PPM1L: variants seen among roughly 807,000 people sequenced by gnomAD.
PPM1L encodes protein phosphatase, Mg2+/Mn2+ dependent 1L.
A neutral mutation model predicts 31.4 loss-of-function variants in PPM1L; 13 were observed. The ratio of observed to expected loss-of-function variants is 0.41; its 90% confidence interval spans 0.27 to 0.66. The LOEUF (loss-of-function observed/expected upper bound fraction) is 0.66. PPM1L is among the 30% of genes least tolerant of loss of function. PPM1L has a pLI of 0.29. For missense variants in PPM1L, 326 were observed against 453.7 expected (o/e 0.72, Z 2.56); for synonymous variants, 184 against 175.4 (o/e 1.05, Z -0.39).
intron 1 of PPM1L, among the ~76,000 whole-genome samples, chr3:160,857,339 C>G (rs184959656): frequency 1.3e-5 from 2 of 152,256 alleles, no homozygotes; most frequent in Non-Finnish European, 2.9e-5. Context: ...ATTATTCATA[C>G]AAACTACAGG....
At chr3:160,849,419 C>T (rs981646880) in intron 1 of PPM1L, among the ~76,000 whole-genome samples, 66 of 143,430 alleles carry the variant, frequency 4.6e-4, no homozygotes, top group African/African-American at 1.6e-3. Flanking sequence ...TTCTTTCTTT[C>T]TTTTTTTTTT....
chr3:160,913,699 T>C (rs944866412), intron 1 of PPM1L, among the ~76,000 whole-genome samples: 1 of 152,184 alleles, frequency 6.6e-6, no homozygotes, highest in Non-Finnish European at 1.5e-5. Context: ...CATAATGTTT[T>C]TGAGATTCAT....
intron 2 of PPM1L, among the ~76,000 whole-genome samples, chr3:161,003,243 C>G (rs540775074): frequency 6.7e-6 from 1 of 150,010 alleles, no homozygotes; most frequent in African/African-American, 2.5e-5. Flanking sequence ...TTACTGTAGC[C>G]TTGTAGTATA....
At chr3:160,919,149 TG>T (rs1435487516) in intron 1 of PPM1L, among the ~76,000 whole-genome samples, 1 of 152,212 alleles carries the variant, frequency 6.6e-6, no homozygotes, top group Non-Finnish European at 1.5e-5. Context: ...AGAATAAAAT[TG>T]GGGAAGCCCA....
chr3:160,764,615 C>T (rs538086238), intron 1 of PPM1L, among the ~76,000 whole-genome samples: 4 of 151,650 alleles, frequency 2.6e-5, no homozygotes, highest in South Asian at 2.1e-4. Flanking sequence ...TACAGGCACC[C>T]GCCACTATGC....
intron 1 of PPM1L, among the ~76,000 whole-genome samples, chr3:160,775,176 G>A (rs1189276870): frequency 1.3e-5 from 2 of 152,204 alleles, no homozygotes; most frequent in Non-Finnish European, 2.9e-5. Flanking sequence ...ACTACTATGT[G>A]CCCAGGGTTA....
intron 1 of PPM1L, among the ~76,000 whole-genome samples, chr3:160,937,295 C>G (rs1237268925): frequency 6.6e-6 from 1 of 152,054 alleles, no homozygotes; most frequent in African/African-American, 2.4e-5. Context: ...TCTCATTTAT[C>G]ATCCATTTTA....
chr3:161,024,303 T>C (rs1262317363), intron 2 of PPM1L, among the ~76,000 whole-genome samples: 1 of 151,946 alleles, frequency 6.6e-6, no homozygotes, highest in Admixed American at 6.6e-5. Context: ...TAGTCTTTTG[T>C]TTGGCTTTCA....
chr3:160,989,195 A>T (rs1323934020), intron 2 of PPM1L, among the ~76,000 whole-genome samples: 1 of 152,060 alleles, frequency 6.6e-6, no homozygotes, highest in Non-Finnish European at 1.5e-5. Context: ...TTACTTGCTC[A>T]TTTCTCCTCT....
Position 161,010,991 on chromosome 3 carries a change from CT to C in PPM1L, c.574+49085del, listed in dbSNP as rs574617278. On this transcript the variant is annotated intron_variant, in intron 2 of 3. Coordinates refer to ENST00000498165, the MANE Select transcript of PPM1L (RefSeq NM_139245.4). ...TGCCTGTTCACTCTGATGGTAGTTT[CT>C]TTTGCTGTACAGAAGCTCTTTAGTG... Among the ~76,000 whole-genome samples, 124 of 152,282 alleles carry C rather than the reference CT, an allele frequency of 8.1e-4. 1 individual carries two copies. Among genetic ancestry groups the C allele is most frequent in the African/African-American group, 2.8e-3 (116 of 41,560 alleles).
chr3:160,793,008 A>C (rs1712147341), intron 1 of PPM1L, among the ~76,000 whole-genome samples: 1 of 152,164 alleles, frequency 6.6e-6, no homozygotes, highest in African/African-American at 2.4e-5. Context: ...TTTTGAAGGA[A>C]GGTCACAGAG....
At chr3:161,059,075 T>G (rs762026197) in intron 2 of PPM1L, among the ~76,000 whole-genome samples, 2 of 152,186 alleles carry the variant, frequency 1.3e-5, no homozygotes, top group Non-Finnish European at 2.9e-5. Context: ...GTGTCTTCCC[T>G]AAGGAAAACA....
At chr3:161,022,070 G>A in intron 2 of PPM1L, 2 of 571,492 alleles carry the variant, frequency 3.5e-6, no homozygotes, top group Non-Finnish European at 3.1e-6. Context: ...TATGTATTTT[G>A]TTCCTTTATC....
At chr3:160,897,632 A>C (rs950427362) in intron 1 of PPM1L, among the ~76,000 whole-genome samples, 1 of 152,158 alleles carries the variant, frequency 6.6e-6, no homozygotes, top group Non-Finnish European at 1.5e-5. Flanking sequence ...CTTTTTCCTG[A>C]TTTGTAATAT....
chr3:161,003,678 T>C (rs1478491646), intron 2 of PPM1L, among the ~76,000 whole-genome samples: 3 of 152,182 alleles, frequency 2.0e-5, no homozygotes, highest in South Asian at 2.1e-4. Flanking sequence ...GTGATTTTTG[T>C]ACATTGATTT....
chr3:160,923,563 A>G (rs1714486955), intron 1 of PPM1L, among the ~76,000 whole-genome samples: 1 of 152,204 alleles, frequency 6.6e-6, no homozygotes, highest in African/African-American at 2.4e-5. Context: ...AAATAGCTTT[A>G]TTCTTCTCTC....
chr3:160,953,743 T>C (rs1290385882), intron 1 of PPM1L, among the ~76,000 whole-genome samples: 1 of 152,220 alleles, frequency 6.6e-6, no homozygotes, highest in Non-Finnish European at 1.5e-5. Context: ...TGGTGGTGGA[T>C]ATTCCCTAAA....
intron 1 of PPM1L, among the ~76,000 whole-genome samples, chr3:160,809,636 G>T (rs1182974080): frequency 6.6e-6 from 1 of 152,026 alleles, no homozygotes; most frequent in East Asian, 1.9e-4. Flanking sequence ...AAGGTTATTG[G>T]TACCAAGTAT....
intron 1 of PPM1L, among the ~76,000 whole-genome samples, chr3:160,918,430 T>C (rs1396205037): frequency 6.6e-6 from 1 of 152,256 alleles, no homozygotes; most frequent in East Asian, 1.9e-4. Context: ...AAATTTGCGC[T>C]CTAATCTGTT....
Sources: allele counts gnomAD v4.1 joint callset (sites outside exome capture counted in the v4.1 genomes callset), GRCh38; gene constraint gnomAD v4.1.1; transcripts MANE v1.5; gene names NCBI Gene and HGNC (gene_info 2026-07-23, HGNC 2026-07-21).